SLC30A5: variants seen among roughly 807,000 people sequenced by gnomAD.
The protein encoded by SLC30A5 is proton-coupled zinc antiporter SLC30A5.
In SLC30A5, 33 loss-of-function variants were observed where a neutral mutation model predicts 79.6. That is an observed-to-expected ratio of 0.41 (90% CI 0.31 to 0.55). The LOEUF is 0.55. Among genes scored for constraint, SLC30A5 ranks in the 20% least tolerant of loss-of-function variants. The pLI is 0.20. For synonymous variants in SLC30A5, 299 were observed against 319.7 expected (o/e 0.94, Z 0.69); for missense variants, 788 against 928.1 (o/e 0.85, Z 1.96).
chr5:69,127,869 G>T, intron 14 of SLC30A5, 135 bp from the exon 15 acceptor site: 2 of 662,940 alleles, frequency 3.0e-6, no homozygotes, highest in Non-Finnish European at 4.9e-6. Flanking sequence ...TGTTTGTTTT[G>T]TTTTGTATTT....
chr5:69,127,853 G>GGT, intron 14 of SLC30A5, 151 bp from the exon 15 acceptor site: 1 of 582,418 alleles, frequency 1.7e-6, no homozygotes. Context: ...ATTATGGCTG[G>GGT]TTTTTTGTTT....
Position 69,113,202 on chromosome 5 carries a change from TC to T in SLC30A5, c.511del (p.Leu171SerfsTer17). On this transcript the variant is annotated frameshift_variant, in exon 6 of 16. Coordinates refer to ENST00000396591, the MANE Select transcript of SLC30A5 (RefSeq NM_022902.5). LOFTEE classifies it high-confidence loss of function. ...ICLLLFDNDD[L>X]MAKMAEHPEG... Reference sequence around the variant, plus strand: ...GTTTATTGCTTTTTGACAATGATGATCTCATGGCTAAAATGGCTGAACACCG... The same window carrying T: ...GTTTATTGCTTTTTGACAATGATGATTCATGGCTAAAATGGCTGAACACCG... 6.2e-7 allele frequency: 1 copy of T among 1,613,606 alleles called. No homozygotes were observed. The highest frequency in any genetic ancestry group is 8.5e-7 in the Non-Finnish European group (1 of 1,179,788).
intron 8 of SLC30A5, 138 bp from the exon 9 acceptor site, chr5:69,115,788 T>C (rs891770633): frequency 7.9e-5 from 60 of 760,052 alleles, no homozygotes; most frequent in Admixed American, 3.3e-4. Context: ...CAATATCTTA[T>C]AGCTTTTATA....
At chr5:69,115,135 G>GGAA in intron 7 of SLC30A5, 102 bp from the exon 8 acceptor site, 2 of 535,242 alleles carry the variant, frequency 3.7e-6, no homozygotes, top group South Asian at 2.7e-5. Context: ...TGTCTCTGGG[G>GGAA]AAAAAAAAAA....
At chr5:69,117,476 C>A in intron 11 of SLC30A5, 80 bp downstream of exon 11, 1 of 1,165,256 alleles carries the variant, frequency 8.6e-7, no homozygotes, top group Non-Finnish European at 1.2e-6. Context: ...ACTTATATTA[C>A]TTTTAATACA....
chr5:69,117,787 G>A (rs1010003979), intron 11 of SLC30A5, among the ~76,000 whole-genome samples: 1 of 151,712 alleles, frequency 6.6e-6, no homozygotes, highest in Non-Finnish European at 1.5e-5. Flanking sequence ...TGAGGCAGGA[G>A]AATCGCTTGA....
Position 69,118,569 on chromosome 5 carries a change from T to A in SLC30A5, c.1510T>A (p.Phe504Ile). The A allele has an allele frequency of 6.2e-7, 1 of 1,604,740 alleles. No homozygotes were observed. The highest frequency in any genetic ancestry group is 8.5e-7 in the Non-Finnish European group (1 of 1,175,906). Residue 504 changes from phenylalanine (F) to isoleucine (I), a missense_variant, in exon 12 of 16, where the codon TTT becomes ATT. Coordinates refer to ENST00000396591, the MANE Select transcript of SLC30A5 (RefSeq NM_022902.5). ...LFLIVIAFFV[F>I]MESVARLIDP... ...TCTAATAGTAATAGCGTTTTTTGTG[T>A]TTATGGAGTCAGTGGCTAGATTGAT... is the stretch of plus-strand genomic sequence containing the variant.
chr5:69,108,024 C>G (rs1412011700), intron 4 of SLC30A5, among the ~76,000 whole-genome samples: 1 of 152,150 alleles, frequency 6.6e-6, no homozygotes, highest in Non-Finnish European at 1.5e-5. Context: ...GCCACCATAC[C>G]CAGCCACATT....
Position 69,130,022 on chromosome 5 carries a change from TA to T in SLC30A5, c.*409del, listed in dbSNP as rs767268180. 5 of 152,638 alleles carry T rather than the reference TA, an allele frequency of 3.3e-5. No individual in the cohort carries two copies. The highest frequency in any genetic ancestry group is 7.3e-5 in the Non-Finnish European group (5 of 68,360). 9.5% of individuals were successfully genotyped at this position (152,638 alleles called of 1,614,324 possible). A position where few individuals can be genotyped will look rare whatever the true frequency, so the allele number is the denominator to read the frequency against. On this transcript the variant is annotated 3_prime_UTR_variant, in exon 16 of 16. Coordinates refer to ENST00000396591, the MANE Select transcript of SLC30A5 (RefSeq NM_022902.5). The stretch of plus-strand genomic sequence containing the variant: ...GTCCATTTTTTGCATAGCCTAAAGA[TA>T]AAATAGGAATAAAAGTTCTATATTT...
At chr5:69,124,543 C>T (rs1468313550) in intron 14 of SLC30A5, among the ~76,000 whole-genome samples, 1 of 151,998 alleles carries the variant, frequency 6.6e-6, no homozygotes, top group Non-Finnish European at 1.5e-5. Context: ...ATGTAAATGA[C>T]AAAAAAATTA....
chr5:69,121,636 AAT>A (rs775170201), intron 12 of SLC30A5, 56 bp from the exon 13 acceptor site: 502 of 1,231,562 alleles, frequency 4.1e-4, no homozygotes, highest in Middle Eastern at 3.3e-3. Flanking sequence ...ATAACTTTTA[AAT>A]AACAAGTCTA....
chr5:69,118,325 G>GTTTATATATATATATATA (rs60416809), intron 11 of SLC30A5, 174 bp from the exon 12 acceptor site: 2 of 188,328 alleles, frequency 1.1e-5, no homozygotes, highest in Non-Finnish European at 2.0e-5. Context: ...ATATATATAT[G>GTTTATATATATATATATA]TATATATATA....
At chr5:69,112,210 T>C (rs1041566322) in intron 5 of SLC30A5, among the ~76,000 whole-genome samples, 1 of 151,812 alleles carries the variant, frequency 6.6e-6, no homozygotes, top group Non-Finnish European at 1.5e-5. Flanking sequence ...GGCAGGAGAA[T>C]CACTTGAACC....
intron 1 of SLC30A5, among the ~76,000 whole-genome samples, chr5:69,094,939 C>G (rs1745678488): frequency 6.6e-6 from 1 of 152,138 alleles, no homozygotes; most frequent in Non-Finnish European, 1.5e-5. Flanking sequence ...CCCACTTCCT[C>G]TCTTCAATTC....
chr5:69,127,860 GTTTGT>G, intron 14 of SLC30A5, 139 bp from the exon 15 acceptor site: 1 of 599,574 alleles, frequency 1.7e-6, no homozygotes. Flanking sequence ...CTGGTTTTTT[GTTTGT>G]TTTGTTTTGT....
intron 6 of SLC30A5, among the ~76,000 whole-genome samples, chr5:69,113,499 A>G (rs1433642488): frequency 1.5e-5 from 2 of 133,668 alleles, no homozygotes; most frequent in East Asian, 2.3e-4. Context: ...CTGGTGCTGG[A>G]AAAAAAAAAG....
In SLC30A5 at chr5:69,115,381, G is replaced by A; in HGVS notation, c.757G>A (p.Val253Ile). 6.2e-7 allele frequency: 1 copy of A among 1,613,490 alleles called. No individual in the cohort carries two copies. The highest frequency in any genetic ancestry group is 8.5e-7 in the Non-Finnish European group (1 of 1,179,648). ...LVSVLLLCPW[V>I]IVLSVTTESK... The stretch of plus-strand genomic sequence containing the variant: ...TTCTGTGCTTCTCTTGTGCCCATGG[G>A]TCATTGTTCTTTCTGTGACAACTGA... The change falls in exon 8 of 16, where the codon GTC (valine) becomes ATC (isoleucine). Residue 253 changes from valine to isoleucine, a missense_variant. Val to Ile is a conservative substitution (Grantham distance 29, BLOSUM62 3). This residue lies in a region of SLC30A5 where 626 missense variants were observed against 755.5 expected (regional missense o/e 0.83). Transcript: ENST00000396591.
At chr5:69,094,453 TC>T in intron 1 of SLC30A5, 115 bp downstream of exon 1, 1 of 1,095,374 alleles carries the variant, frequency 9.1e-7, no homozygotes. Context: ...GCGCGCCCTC[TC>T]CCCCTGCCTG....
In SLC30A5 at chr5:69,128,401, G is replaced by A. The variant is rs527476197; in HGVS notation, c.2127+269G>A. On this transcript the variant is annotated intron_variant, in intron 15 of 15. Coordinates refer to ENST00000396591, the MANE Select transcript of SLC30A5 (RefSeq NM_022902.5). ...CAAGTCGCTGGGATTATAGGCACCC[G>A]TCACCATGCCCGCCTATTTTTGTTT... 9.2e-4 allele frequency among the ~76,000 whole-genome samples: 139 copies of A among 151,810 alleles called. 1 individual carries two copies. The highest frequency in any genetic ancestry group is 2.1e-3 in the South Asian group (10 of 4,808).
Sources: allele counts gnomAD v4.1 joint callset (sites outside exome capture counted in the v4.1 genomes callset), GRCh38; gene constraint gnomAD v4.1.1; regional missense constraint gnomAD v4.1.1; transcripts MANE v1.5; gene names NCBI Gene and HGNC (gene_info 2026-07-23, HGNC 2026-07-21).